The following PPM1L variants were observed in gnomAD, a reference collection of about 807,000 sequenced individuals.
The protein encoded by PPM1L is protein phosphatase 1L.
A neutral mutation model predicts 31.4 loss-of-function variants in PPM1L; 13 were observed. The ratio of observed to expected loss-of-function variants is 0.41; its 90% CI spans 0.27 to 0.66. The LOEUF (loss-of-function observed/expected upper bound fraction) is 0.66. Among genes scored for constraint, PPM1L ranks in the 30% least tolerant of loss-of-function variants. The pLI, the probability that PPM1L is intolerant of heterozygous loss-of-function variation, is 0.29. For missense variants in PPM1L, 326 were observed against 453.7 expected (o/e 0.72, Z 2.56); for synonymous variants, 184 against 175.4 (o/e 1.05, Z -0.39).
intron 2 of PPM1L, among the ~76,000 whole-genome samples, chr3:161,047,146 AATTGTCC>A: frequency 6.6e-6 from 1 of 152,326 alleles, no homozygotes; most frequent in East Asian, 1.9e-4. Context: ...GAGGAAGTCA[AATTGTCC>A]CTGTTTGCAG....
intron 2 of PPM1L, among the ~76,000 whole-genome samples, chr3:161,013,168 T>A (rs556592537): frequency 1.3e-5 from 2 of 152,364 alleles, no homozygotes; most frequent in African/African-American, 2.4e-5. Flanking sequence ...TTTAGTGCTG[T>A]AAATTTCCCT....
At position 161,071,072 on chromosome 3, in the gene PPM1L, T is replaced by G. The variant is rs1280300991; in HGVS notation, c.*1915T>G. 1 of 152,212 alleles carries G rather than the reference T, an allele frequency of 6.6e-6. No individual in the cohort carries two copies. The highest frequency in any genetic ancestry group is 2.4e-5 in the African/African-American group (1 of 41,452). The allele number at this position is 152,212 out of a possible 1,614,324, so 9.4% of individuals were successfully genotyped here. A position where few individuals can be genotyped will look rare whatever the true frequency, so the allele number is the denominator to read the frequency against. ...TGCCTATGGGGAGACACTGAATATG[T>G]GGATGTGTGTATTAATATTTGGGGT... On this transcript the variant is annotated 3_prime_UTR_variant, in exon 4 of 4. Coordinates refer to ENST00000498165, the MANE Select transcript of PPM1L (RefSeq NM_139245.4).
chr3:160,978,834 C>CAAGA (rs986338933), intron 2 of PPM1L, among the ~76,000 whole-genome samples: 3 of 148,594 alleles, frequency 2.0e-5, no homozygotes, highest in East Asian at 2.0e-4. Context: ...AGTTAAACAA[C>CAAGA]AAGAAAGAAA....
intron 1 of PPM1L, among the ~76,000 whole-genome samples, chr3:160,841,382 T>C (rs1347339206): frequency 3.3e-5 from 5 of 151,908 alleles, no homozygotes; most frequent in Admixed American, 6.6e-5. Flanking sequence ...TAGAGTAATA[T>C]GGTTTTATAG....
At chr3:160,800,670 G>A (rs1409418268) in intron 1 of PPM1L, among the ~76,000 whole-genome samples, 2 of 152,162 alleles carry the variant, frequency 1.3e-5, no homozygotes, top group East Asian at 3.9e-4. Context: ...ACACTTGCAA[G>A]CCAGGTGATT....
chr3:161,005,992 A>T (rs750228619), intron 2 of PPM1L, among the ~76,000 whole-genome samples: 1 of 152,164 alleles, frequency 6.6e-6, no homozygotes, highest in African/African-American at 2.4e-5. Flanking sequence ...AAAAAAATAC[A>T]ATTTTAAAAG....
At chr3:161,011,664 C>T (rs377029120) in intron 2 of PPM1L, among the ~76,000 whole-genome samples, 2 of 152,072 alleles carry the variant, frequency 1.3e-5, no homozygotes, top group South Asian at 4.1e-4. Flanking sequence ...GAATGTTCTT[C>T]CATTTGTTTG....
intron 1 of PPM1L, among the ~76,000 whole-genome samples, chr3:160,857,294 TA>T (rs1711743784): frequency 6.6e-6 from 1 of 152,174 alleles, no homozygotes; most frequent in South Asian, 2.1e-4. Context: ...CAACACATTT[TA>T]TCTTTAGCCT....
At position 160,957,823 on chromosome 3, in the gene PPM1L, G is replaced by A. The variant is rs555373638; in HGVS notation, c.400-3913G>A. 2.0e-3 allele frequency among the ~76,000 whole-genome samples: 301 copies of A among 152,104 alleles called. 1 individual carries two copies. The highest frequency in any genetic ancestry group is 3.1e-3 in the Non-Finnish European group (212 of 67,980). On this transcript the variant is annotated intron_variant, in intron 1 of 3. Coordinates refer to ENST00000498165, the MANE Select transcript of PPM1L (RefSeq NM_139245.4). ...GATCTCCTGACCTTGTGATCCGCCC[G>A]CCTCAGCCTCCTAAAGTGCTGGGAT...
chr3:161,025,773 G>A (rs748005560), intron 2 of PPM1L, among the ~76,000 whole-genome samples: 1 of 151,950 alleles, frequency 6.6e-6, no homozygotes, highest in African/African-American at 2.4e-5. Flanking sequence ...TGTTATAGCA[G>A]CACAAATAAA....
At chr3:160,873,884 G>A (rs186851115) in intron 1 of PPM1L, among the ~76,000 whole-genome samples, 20 of 152,240 alleles carry the variant, frequency 1.3e-4, no homozygotes, top group Middle Eastern at 3.4e-3. Context: ...CATGGATTGA[G>A]GATTTGGCCT....
In PPM1L at chr3:160,833,437, A is replaced by T. The variant is rs1363333228; in HGVS notation, c.399+76730A>T. Among the ~76,000 whole-genome samples, 3 of 152,286 alleles carry T rather than the reference A, an allele frequency of 2.0e-5. No individual in the cohort carries two copies. The East Asian group carries it at 5.8e-4, about 29-fold the overall frequency. On this transcript the variant is annotated intron_variant, in intron 1 of 3. Coordinates refer to ENST00000498165, the MANE Select transcript of PPM1L (RefSeq NM_139245.4). ...CCTATTTCTCCACAATCTCACCAGC[A>T]TCTGTTGTTTTTTGACTTTTTAATA...
At chr3:160,901,293 T>C (rs1019938686) in intron 1 of PPM1L, among the ~76,000 whole-genome samples, 19 of 152,088 alleles carry the variant, frequency 1.2e-4, no homozygotes, top group Non-Finnish European at 1.2e-4. Context: ...TTCCTAAATA[T>C]TATTATCCAT....
At chr3:160,786,207 A>ATTTTT (rs35386910) in intron 1 of PPM1L, among the ~76,000 whole-genome samples, 4 of 30,886 alleles carry the variant, frequency 1.3e-4, no homozygotes, top group African/African-American at 2.4e-4. Context: ...ATATATATAT[A>ATTTTT]TTTTTTTTTT....
intron 1 of PPM1L, among the ~76,000 whole-genome samples, chr3:160,869,482 T>G (rs924453453): frequency 1.3e-5 from 2 of 152,190 alleles, no homozygotes; most frequent in Admixed American, 6.6e-5. Flanking sequence ...CCTTATAACC[T>G]TATGTTAGGC....
intron 1 of PPM1L, among the ~76,000 whole-genome samples, chr3:160,775,413 A>G (rs555558120): frequency 6.6e-6 from 1 of 152,306 alleles, no homozygotes; most frequent in East Asian, 1.9e-4. Context: ...TGAGGAGATA[A>G]TTTATTTATA....
chr3:160,803,683 T>C (rs1008697402), intron 1 of PPM1L, among the ~76,000 whole-genome samples: 6 of 152,272 alleles, frequency 3.9e-5, no homozygotes, highest in East Asian at 1.9e-4. Flanking sequence ...TTTTTGCTAA[T>C]AAACAATCTC....
intron 1 of PPM1L, among the ~76,000 whole-genome samples, chr3:160,957,216 G>A (rs1450461928): frequency 6.6e-6 from 1 of 152,172 alleles, no homozygotes; most frequent in African/African-American, 2.4e-5. Flanking sequence ...GCATCCATAA[G>A]CCTGCAAGGG....
At chr3:161,050,645 C>T (rs1292988728) in intron 2 of PPM1L, among the ~76,000 whole-genome samples, 3 of 151,968 alleles carry the variant, frequency 2.0e-5, no homozygotes, top group Admixed American at 6.6e-5. Context: ...TTATTTTTTA[C>T]TTAAAATATG....
Sources: allele counts gnomAD v4.1 joint callset (sites outside exome capture counted in the v4.1 genomes callset), GRCh38; gene constraint gnomAD v4.1.1; transcripts MANE v1.5; gene names NCBI Gene and HGNC (gene_info 2026-07-23, HGNC 2026-07-21).